RALGPS2: variants seen among roughly 807,000 people sequenced by gnomAD.
RALGPS2 encodes the protein ras-specific guanine nucleotide-releasing factor RalGPS2.
In RALGPS2, 43 loss-of-function variants were observed where a neutral mutation model predicts 86.8. The ratio of observed to expected loss-of-function variants is 0.50; its 90% confidence interval spans 0.39 to 0.64. The LOEUF is 0.64. Ranked by LOEUF, RALGPS2 falls within the 30% of genes least tolerant of loss-of-function variation. The probability of loss-of-function intolerance (pLI) is 0.00; values close to 1 mark genes in which losing one functional copy is unlikely to be tolerated. For synonymous variants in RALGPS2, 243 were observed against 231.3 expected (o/e 1.05, Z -0.46); for missense variants, 536 against 694.6 (o/e 0.77, Z 2.57).
chr1:178,900,985 G>A (rs1477827776), intron 17 of RALGPS2, among the ~76,000 whole-genome samples: 3 of 151,980 alleles, frequency 2.0e-5, no homozygotes, highest in African/African-American at 2.4e-5. Flanking sequence ...TATTCATGTC[G>A]AAGTACATTA....
At chr1:178,780,487 A>T (rs1306595277) in intron 2 of RALGPS2, among the ~76,000 whole-genome samples, 1 of 152,158 alleles carries the variant, frequency 6.6e-6, no homozygotes, top group South Asian at 2.1e-4. Flanking sequence ...ATCTTTTCTC[A>T]AAACTGTCTG....
At position 178,921,363 on chromosome 1, in the gene RALGPS2, C is replaced by G. The variant is rs1483527516; in HGVS notation, c.*5004C>G. ...ATATTGTTTCCCCTGAAGATATGAC[C>G]TACTAGAACTACTCACATATATAGT... On this transcript the variant is annotated 3_prime_UTR_variant, in exon 20 of 20. Transcript: ENST00000367635. 1 of 151,878 alleles carries G rather than the reference C, an allele frequency of 6.6e-6. No homozygotes were observed. Among genetic ancestry groups the G allele is most frequent in the African/African-American group, 2.4e-5 (1 of 41,374 alleles). The allele number at this position is 151,878 out of a possible 1,614,324, so 9.4% of individuals were successfully genotyped here.
intron 5 of RALGPS2, among the ~76,000 whole-genome samples, chr1:178,808,631 CG>C (rs1654844849): frequency 6.6e-6 from 1 of 151,982 alleles, no homozygotes; most frequent in Non-Finnish European, 1.5e-5. Context: ...CTTGAAAGCT[CG>C]TGTCTGTTTA....
intron 1 of RALGPS2, among the ~76,000 whole-genome samples, chr1:178,770,838 GTT>G (rs1276426119): frequency 4.6e-5 from 5 of 109,554 alleles, no homozygotes; most frequent in Admixed American, 9.2e-5. Context: ...TGTTGTTGTT[GTT>G]TTTTTTTTTT....
intron 1 of RALGPS2, among the ~76,000 whole-genome samples, chr1:178,737,402 C>A (rs1349700312): frequency 6.6e-6 from 1 of 152,234 alleles, no homozygotes; most frequent in East Asian, 1.9e-4. Context: ...CCTGCCACCA[C>A]GCCTGGCTAA....
chr1:178,897,135 C>T (rs955909480), intron 16 of RALGPS2, among the ~76,000 whole-genome samples: 5 of 151,928 alleles, frequency 3.3e-5, no homozygotes, highest in African/African-American at 1.2e-4. Flanking sequence ...AGGACATGAA[C>T]AGACACTTCT....
chr1:178,801,737 G>A (rs1267495389), intron 4 of RALGPS2, among the ~76,000 whole-genome samples: 5 of 144,878 alleles, frequency 3.5e-5, no homozygotes, highest in Non-Finnish European at 6.1e-5. Flanking sequence ...TAAGAGTTTC[G>A]AGATATGGAT....
intron 8 of RALGPS2, among the ~76,000 whole-genome samples, chr1:178,866,414 A>G (rs1658416035): frequency 6.6e-6 from 1 of 152,140 alleles, no homozygotes; most frequent in Admixed American, 6.6e-5. Flanking sequence ...TTTTATTTTT[A>G]TAGCATCTCC....
At chr1:178,902,322 TGAA>T (rs1660212462) in intron 18 of RALGPS2, 111 bp downstream of exon 18, 4 of 771,288 alleles carry the variant, frequency 5.2e-6, no homozygotes, top group Non-Finnish European at 8.2e-6. Context: ...TATGCATACA[TGAA>T]GAACTTGATG....
rs1651639067 is a variant in RALGPS2, at chr1:178,751,274, C to T, written c.-83-25408C>T. ...AGGATTGCCCTTACCATAAATTTCC[C>T]TTCCATATGCCCATTTTCTACTTGT... On this transcript the variant is annotated intron_variant, in intron 1 of 19. Transcript: ENST00000367635. Among the ~76,000 whole-genome samples, 6 of 152,222 alleles carry T rather than the reference C, an allele frequency of 3.9e-5. No homozygotes were observed. The South Asian group carries it at 1.2e-3, about 32-fold the overall frequency.
At chr1:178,803,315 C>T (rs2102178331) in intron 4 of RALGPS2, among the ~76,000 whole-genome samples, 1 of 152,188 alleles carries the variant, frequency 6.6e-6, no homozygotes, top group East Asian at 1.9e-4. Context: ...AGTTTGACTT[C>T]TTTGTCAAAT....
chr1:178,870,857 T>C (rs1658714399), intron 8 of RALGPS2: 1 of 152,228 alleles, frequency 6.6e-6, no homozygotes, highest in Non-Finnish European at 1.5e-5. Flanking sequence ...ATTTTTGTTT[T>C]GGACCGTTGA....
chr1:178,911,718 C>T (rs998522882), intron 19 of RALGPS2, among the ~76,000 whole-genome samples: 1 of 152,188 alleles, frequency 6.6e-6, no homozygotes, highest in Non-Finnish European at 1.5e-5. Flanking sequence ...CTGTAGATGT[C>T]TGTTGGGTCT....
At chr1:178,840,750 C>T (rs1013206777) in intron 8 of RALGPS2, among the ~76,000 whole-genome samples, 2 of 151,498 alleles carry the variant, frequency 1.3e-5, no homozygotes, top group Non-Finnish European at 2.9e-5. Context: ...AGACCACTAG[C>T]AAGACTATAT....
chr1:178,835,162 A>G (rs191763176), intron 8 of RALGPS2, among the ~76,000 whole-genome samples: 62 of 152,344 alleles, frequency 4.1e-4, no homozygotes, highest in Non-Finnish European at 6.0e-4. Flanking sequence ...GAATTTTTCA[A>G]AAATAATACC....
chr1:178,766,228 G>GAA (rs1652500293), intron 1 of RALGPS2, among the ~76,000 whole-genome samples: 1 of 151,924 alleles, frequency 6.6e-6, no homozygotes, highest in East Asian at 1.9e-4. Context: ...TATGTTCTTC[G>GAA]GCCATGGCTT....
intron 1 of RALGPS2, among the ~76,000 whole-genome samples, chr1:178,761,594 T>A (rs750147189): frequency 1.1e-4 from 16 of 152,046 alleles, no homozygotes; most frequent in Non-Finnish European, 2.1e-4. Context: ...AGAGTCTCAC[T>A]CTTTTGCCTG....
intron 4 of RALGPS2, among the ~76,000 whole-genome samples, chr1:178,802,891 G>A (rs533039280): frequency 6.6e-6 from 1 of 151,794 alleles, no homozygotes; most frequent in South Asian, 2.1e-4. Context: ...TTAATTTTTC[G>A]ATACTCCAAG....
intron 1 of RALGPS2, among the ~76,000 whole-genome samples, chr1:178,730,051 C>T (rs1650247508): frequency 6.6e-6 from 1 of 152,180 alleles, no homozygotes; most frequent in African/African-American, 2.4e-5. Context: ...AACTGATTCT[C>T]CTGCCTCAGC....
Sources: gnomAD v4.1 joint callset for allele counts (sites outside exome capture counted in the v4.1 genomes callset) on GRCh38, gnomAD v4.1.1 for gene constraint, MANE v1.5 for transcripts, NCBI Gene and HGNC (gene_info 2026-07-23, HGNC 2026-07-21) for gene names.